ICE2: variants seen among roughly 807,000 people sequenced by gnomAD.
ICE2 encodes interactor of little elongation complex ELL subunit 2, also known as little elongation complex subunit 2.
ICE2 carries 87 observed loss-of-function variants against 105.4 expected under a neutral mutation model. The observed-to-expected ratio is 0.83, with a 90% CI of 0.69 to 0.99. The LOEUF is 0.99. Ranked by LOEUF, ICE2 falls within the 50% of genes least tolerant of loss-of-function variation. ICE2 has a pLI of 0.00. For missense variants in ICE2, 1,323 were observed against 1,146.7 expected (o/e 1.15, Z -2.22); for synonymous variants, 399 against 392.0 (o/e 1.02, Z -0.21).
At chr15:60,464,116 T>A (rs2064355450) in intron 5 of ICE2, among the ~76,000 whole-genome samples, 1 of 152,192 alleles carries the variant, frequency 6.6e-6, no homozygotes, top group Non-Finnish European at 1.5e-5. Context: ...CAGAAAAATA[T>A]CAGTGAATCT....
intron 15 of ICE2, 70 bp from the exon 16 acceptor site, chr15:60,423,832 A>G (rs919293977): frequency 4.3e-5 from 57 of 1,338,932 alleles, no homozygotes; most frequent in Non-Finnish European, 5.4e-5. Context: ...TCAACTCTGT[A>G]GTATTTATAC....
intron 12 of ICE2, among the ~76,000 whole-genome samples, chr15:60,436,596 T>C (rs767760987): frequency 1.3e-5 from 2 of 151,260 alleles, no homozygotes; most frequent in Non-Finnish European, 3.0e-5. Flanking sequence ...GCGCCTGTAG[T>C]CCCATCTACT....
intron 10 of ICE2, among the ~76,000 whole-genome samples, chr15:60,448,405 C>T (rs1386290580): frequency 1.3e-5 from 2 of 152,074 alleles, no homozygotes; most frequent in Admixed American, 1.3e-4. Flanking sequence ...AGACAGCATA[C>T]CATGTGAGAA....
In ICE2 at chr15:60,449,609, G is replaced by C. The variant is rs2063912146; in HGVS notation, c.1358C>G (p.Ser453Cys). Residue 453 changes from serine to cysteine, a missense_variant, in exon 10 of 16, where the codon TCT (serine) becomes TGT (cysteine). Physicochemically the swap from Ser to Cys is moderately radical, Grantham distance 112 (BLOSUM62 -1). Coordinates refer to ENST00000261520, the MANE Select transcript of ICE2 (RefSeq NM_024611.6). The part of the protein sequence containing the change: ...APSAPDISAN[S>C]RSLSQILMEQ... Reference sequence around the variant, plus strand: ...CATCAGAATCTGAGATAAACTTCTAGAATTAGCAGAAATGTCTGGTGCACT... The same window carrying C: ...CATCAGAATCTGAGATAAACTTCTACAATTAGCAGAAATGTCTGGTGCACT... 1.9e-6 allele frequency: 3 copies of C among 1,614,144 alleles called. No homozygotes were observed. In the South Asian group the frequency reaches 3.3e-5, roughly 18 times the overall value.
At chr15:60,431,150 G>GCCT (rs2063450351) in intron 14 of ICE2, among the ~76,000 whole-genome samples, 1 of 151,666 alleles carries the variant, frequency 6.6e-6, no homozygotes, top group South Asian at 2.1e-4. Flanking sequence ...GGGATTACAG[G>GCCT]CGTGAGCCAC....
At chr15:60,454,862 C>CA (rs2064058999) in intron 8 of ICE2, 141 bp downstream of exon 8, 1 of 664,974 alleles carries the variant, frequency 1.5e-6, no homozygotes, top group Middle Eastern at 4.1e-4. Context: ...CCTTGCCCCC[C>CA]ACCCCCTGAC....
intron 14 of ICE2, among the ~76,000 whole-genome samples, chr15:60,430,438 G>A (rs1347433754): frequency 3.1e-5 from 3 of 96,828 alleles, no homozygotes; most frequent in Admixed American, 1.2e-4. Flanking sequence ...AATTTGTGTT[G>A]TTTTATAATC....
chr15:60,449,584 C>G lies in ICE2; in HGVS notation c.1383G>C (p.Met461Ile). 1 of 1,614,122 alleles carries G rather than the reference C, an allele frequency of 6.2e-7. No individual in the cohort carries two copies. Among genetic ancestry groups the G allele is most frequent in the South Asian group, 1.1e-5 (1 of 91,080 alleles). ...ANSRSLSQIL[M>I]EQLQKEKQLV... Reference sequence around the variant, plus strand: ...GCTGTTTCTCCTTTTGCAATTGTTCCATCAGAATCTGAGATAAACTTCTAG... The same window carrying G: ...GCTGTTTCTCCTTTTGCAATTGTTCGATCAGAATCTGAGATAAACTTCTAG... The change falls in exon 10 of 16, where the codon ATG becomes ATC. Residue 461 changes from methionine to isoleucine, a missense_variant. By Grantham distance (10) the Met-to-Ile change is conservative. Transcript: ENST00000261520.
intron 2 of ICE2, among the ~76,000 whole-genome samples, chr15:60,476,928 AT>A (rs1385770861): frequency 6.6e-6 from 1 of 152,228 alleles, no homozygotes; most frequent in African/African-American, 2.4e-5. Flanking sequence ...TGCCGGTGGT[AT>A]ACAAGAGCAT....
At chr15:60,468,543 C>G (rs550454196) in intron 3 of ICE2, among the ~76,000 whole-genome samples, 1 of 152,180 alleles carries the variant, frequency 6.6e-6, no homozygotes, top group Admixed American at 6.5e-5. Context: ...CTTCAATTAC[C>G]TGATGGAGAG....
chr15:60,459,898 A>C (rs1368436506), intron 5 of ICE2, among the ~76,000 whole-genome samples: 7 of 152,218 alleles, frequency 4.6e-5, no homozygotes, highest in Admixed American at 4.6e-4. Flanking sequence ...TTAAAAAAAA[A>C]CACAGAAAAA....
rs754483591 is a variant in ICE2, at chr15:60,479,108, G to A, written c.-198C>T. On this transcript the variant is annotated 5_prime_UTR_variant, in exon 1 of 16. Transcript: ENST00000261520. Reference sequence around the variant, plus strand: ...CGCCCAAAAAAGACCATATTTAAAGGATGTGGCCGCGCCGACTCGGCCCTG... The same window carrying A: ...CGCCCAAAAAAGACCATATTTAAAGAATGTGGCCGCGCCGACTCGGCCCTG... 2 of 430,692 alleles carry A rather than the reference G, an allele frequency of 4.6e-6. No homozygotes were observed. Among genetic ancestry groups the A allele is most frequent in the South Asian group, 1.6e-5 (1 of 63,160 alleles). 26.7% of individuals were successfully genotyped at this position (430,692 alleles called of 1,614,324 possible). A position where few individuals can be genotyped will look rare whatever the true frequency, so the allele number is the denominator to read the frequency against.
chr15:60,461,136 C>G (rs1391350716), intron 5 of ICE2, among the ~76,000 whole-genome samples: 2 of 152,214 alleles, frequency 1.3e-5, no homozygotes, highest in East Asian at 1.9e-4. Context: ...AGGATTAAAA[C>G]TGACTCCAGT....
At chr15:60,428,083 T>C (rs2063376429) in intron 15 of ICE2, among the ~76,000 whole-genome samples, 1 of 152,108 alleles carries the variant, frequency 6.6e-6, no homozygotes, top group Non-Finnish European at 1.5e-5. Flanking sequence ...CTTAATGAAA[T>C]GAAACCCAGT....
rs35081421 is a variant in ICE2, at chr15:60,432,181, CTTTTTTTTTT to C, written c.2511-207_2511-198del. Reference sequence around the variant, plus strand: ...TACTTAATTTTTTAAAAAAAATTTCCTTTTTTTTTTTTTTTTTTTTGAGATGGAGTCCTGC... The same window carrying C: ...TACTTAATTTTTTAAAAAAAATTTCCTTTTTTTTTTGAGATGGAGTCCTGC... On this transcript the variant is annotated intron_variant, in intron 13 of 15. Coordinates refer to ENST00000261520, the MANE Select transcript of ICE2 (RefSeq NM_024611.6). Among the ~76,000 whole-genome samples, 33 of 110,634 alleles carry C rather than the reference CTTTTTTTTTT, an allele frequency of 3.0e-4. No individual in the cohort carries two copies. The East Asian group carries it at 6.4e-3, about 21-fold the overall frequency. The allele number at this position is 110,634 out of a possible 152,430, so 72.6% of individuals were successfully genotyped here. A position where few individuals can be genotyped will look rare whatever the true frequency, so the allele number is the denominator to read the frequency against.
chr15:60,454,425 AAGAC>A (rs1328059487), intron 8 of ICE2, among the ~76,000 whole-genome samples: 1 of 152,140 alleles, frequency 6.6e-6, no homozygotes, highest in Non-Finnish European at 1.5e-5. Context: ...ATTTCAGTGA[AAGAC>A]AGAACAACCT....
intron 5 of ICE2, 145 bp from the exon 6 acceptor site, chr15:60,456,939 ATTCT>A: frequency 2.9e-6 from 1 of 348,970 alleles, no homozygotes; most frequent in Non-Finnish European, 5.2e-6. Context: ...CACATTGTAT[ATTCT>A]TTATTTTCAT....
At chr15:60,432,019 T>C in intron 13 of ICE2, 35 bp from the exon 14 acceptor site, 1 of 1,212,642 alleles carries the variant, frequency 8.2e-7, no homozygotes, top group Non-Finnish European at 1.2e-6. Flanking sequence ...AAAATTAAAC[T>C]GCAAAAAACT....
rs2063906413 is a variant in ICE2, at chr15:60,449,433, C to G, written c.1534G>C (p.Asp512His). ...LIQDSDLKTS[D>H]ALQLENSQEI... is the part of the protein sequence containing the mutation. ...TGAGAATTTTCTAACTGTAAGGCAT[C>G]AGATGTTTTCAAGTCACTATCTTGT... Residue 512 changes from aspartate (D) to histidine (H), a missense_variant, in exon 10 of 16, where the codon GAT (aspartate) becomes CAT (histidine). Coordinates refer to ENST00000261520, the MANE Select transcript of ICE2 (RefSeq NM_024611.6). 6.2e-7 allele frequency: 1 copy of G among 1,613,830 alleles called. No homozygotes were observed. Among genetic ancestry groups the G allele is most frequent in the Admixed American group, 1.7e-5 (1 of 60,002 alleles).
Sources: allele counts gnomAD v4.1 joint callset (sites outside exome capture counted in the v4.1 genomes callset), GRCh38; gene constraint gnomAD v4.1.1; transcripts MANE v1.5; gene names NCBI Gene and HGNC (gene_info 2026-07-23, HGNC 2026-07-21).